The following WWOX variants were observed in gnomAD, a reference collection of about 807,000 sequenced individuals.
WWOX encodes the protein WW domain containing oxidoreductase.
Under a neutral mutation model 46.2 loss-of-function variants are expected in WWOX, and 69 were observed. The observed-to-expected ratio is 1.49, with a 90% CI of 1.23 to 1.82. The LOEUF is 1.82. Ranked by LOEUF, WWOX falls within the 40% of genes most tolerant of loss-of-function variation. The pLI, the probability that WWOX is intolerant of heterozygous loss-of-function variation, is 0.00. For synonymous variants in WWOX, 359 were observed against 202.6 expected, an observed-to-expected ratio of 1.77 and a Z score of -6.56; for missense variants, 919 against 542.6, an observed-to-expected ratio of 1.69 and a Z score of -6.89.
intron 8 of WWOX, among the ~76,000 whole-genome samples, chr16:78,829,714 T>C (rs1597685510): frequency 6.6e-6 from 1 of 152,244 alleles, no homozygotes. Context: ...TAGGAGTCAT[T>C]ATCTTCCCCA....
intron 8 of WWOX, among the ~76,000 whole-genome samples, chr16:78,582,360 A>C (rs1383169955): frequency 6.6e-6 from 1 of 152,228 alleles, no homozygotes; most frequent in Non-Finnish European, 1.5e-5. Context: ...TAATTTAGAC[A>C]AGAATGTGGC....
In WWOX at chr16:78,421,750, G is replaced by A. The variant is rs903570306; in HGVS notation, c.606-3120G>A. ...ACAACAGTAAAGCTGGCTAAAACTTGATCTGCTTTTTACAGTCATGTGCTG... is the reference window on the plus strand; with the variant it reads ...ACAACAGTAAAGCTGGCTAAAACTTAATCTGCTTTTTACAGTCATGTGCTG... On this transcript the variant is annotated intron_variant, in intron 6 of 8. Coordinates refer to ENST00000566780, the MANE Select transcript of WWOX (RefSeq NM_016373.4). 2.7e-4 allele frequency among the ~76,000 whole-genome samples: 41 copies of A among 152,126 alleles called. 1 individual carries two copies. Among genetic ancestry groups the A allele is most frequent in the African/African-American group, 9.9e-4 (41 of 41,416 alleles).
intron 8 of WWOX, among the ~76,000 whole-genome samples, chr16:78,871,722 T>A (rs561889972): frequency 6.6e-6 from 1 of 152,224 alleles, no homozygotes; most frequent in Admixed American, 6.5e-5. Flanking sequence ...GCCTCAGCCT[T>A]CCAAGCAGCT....
chr16:79,095,269 T>A (rs966586674), intron 8 of WWOX, among the ~76,000 whole-genome samples: 1 of 152,134 alleles, frequency 6.6e-6, no homozygotes, highest in Non-Finnish European at 1.5e-5. Flanking sequence ...ACAGAAGAGA[T>A]GGAAAAATGG....
intron 8 of WWOX, among the ~76,000 whole-genome samples, chr16:78,740,633 G>A (rs541340266): frequency 1.3e-5 from 2 of 152,224 alleles, no homozygotes; most frequent in African/African-American, 4.8e-5. Flanking sequence ...TGCTGGAAGG[G>A]GACTTGGTGA....
At chr16:78,705,865 G>T (rs965302304) in intron 8 of WWOX, among the ~76,000 whole-genome samples, 1 of 152,106 alleles carries the variant, frequency 6.6e-6, no homozygotes, top group African/African-American at 2.4e-5. Context: ...GCCACAAGGT[G>T]GTGGTAGTGT....
chr16:79,204,924 C>G (rs1396670280), intron 8 of WWOX: 1 of 152,250 alleles, frequency 6.6e-6, no homozygotes, highest in Non-Finnish European at 1.5e-5. Flanking sequence ...TCATTCTCCT[C>G]TCTTCGAGTC....
chr16:79,076,538 T>C (rs982580097), intron 8 of WWOX, among the ~76,000 whole-genome samples: 1 of 152,212 alleles, frequency 6.6e-6, no homozygotes, highest in African/African-American at 2.4e-5. Flanking sequence ...CCTAGAACCA[T>C]CTAAGCTAAC....
chr16:78,990,465 G>A (rs1299811757), intron 8 of WWOX, among the ~76,000 whole-genome samples: 3 of 152,102 alleles, frequency 2.0e-5, no homozygotes, highest in African/African-American at 7.2e-5. Context: ...GCTACTAAAG[G>A]TCAACAGCTG....
At chr16:78,452,221 T>G (rs2083706798) in intron 8 of WWOX, among the ~76,000 whole-genome samples, 1 of 152,200 alleles carries the variant, frequency 6.6e-6, no homozygotes, top group Admixed American at 6.5e-5. Flanking sequence ...TTGTCCGCAC[T>G]CATAAAAAGA....
chr16:79,019,093 G>C (rs1480317441), intron 8 of WWOX, among the ~76,000 whole-genome samples: 2 of 146,912 alleles, frequency 1.4e-5, no homozygotes, highest in Non-Finnish European at 3.0e-5. Context: ...AGGAGGCAGA[G>C]GTTGCTGTGA....
intron 5 of WWOX, among the ~76,000 whole-genome samples, chr16:78,214,439 C>G (rs2036654955): frequency 6.6e-6 from 1 of 152,180 alleles, no homozygotes; most frequent in Non-Finnish European, 1.5e-5. Context: ...CAATCGAAGT[C>G]TGCTGCTGTC....
chr16:78,930,236 T>TTCCTTCCTTCCC (rs1258389121), intron 8 of WWOX, among the ~76,000 whole-genome samples: 14 of 123,198 alleles, frequency 1.1e-4, no homozygotes, highest in Non-Finnish European at 2.1e-4. Context: ...CCTTCCTTCC[T>TTCCTTCCTTCCC]TCCTTCCTTC....
At chr16:78,178,590 G>A (rs375690011) in intron 5 of WWOX, among the ~76,000 whole-genome samples, 74 of 152,292 alleles carry the variant, frequency 4.9e-4, no homozygotes, top group African/African-American at 1.7e-3. Flanking sequence ...AGCAGGCCAG[G>A]TGCGGTGGCT....
At chr16:78,644,539 G>A (rs1278010260) in intron 8 of WWOX, among the ~76,000 whole-genome samples, 2 of 151,882 alleles carry the variant, frequency 1.3e-5, no homozygotes, top group Non-Finnish European at 2.9e-5. Context: ...TCAGCTCACT[G>A]CAACCTCCGC....
intron 8 of WWOX, among the ~76,000 whole-genome samples, chr16:79,106,457 G>A (rs889392888): frequency 6.6e-6 from 1 of 152,040 alleles, no homozygotes; most frequent in African/African-American, 2.4e-5. Context: ...GGATGAATCT[G>A]GGGACACTTT....
chr16:78,213,042 C>G (rs577256703), intron 5 of WWOX, among the ~76,000 whole-genome samples: 13 of 152,024 alleles, frequency 8.6e-5, no homozygotes, highest in African/African-American at 3.1e-4. Context: ...CACTTTAGGT[C>G]AGAAGTTCGA....
intron 8 of WWOX, among the ~76,000 whole-genome samples, chr16:78,930,661 A>T (rs2045604507): frequency 6.6e-6 from 1 of 151,292 alleles, no homozygotes; most frequent in Non-Finnish European, 1.5e-5. Flanking sequence ...TTTCCTGTTA[A>T]TTGCAGTTAA....
chr16:78,630,873 T>G lies in WWOX; in HGVS notation c.1056+198121T>G, dbSNP rs1417367633. ...AATGAACGAAAGAGGCCATATGCAG[T>G]CAGCCCCCCTCTCTCTGGGTTCTAC... On this transcript the variant is annotated intron_variant, in intron 8 of 8. Transcript: ENST00000566780. 5.1e-5 allele frequency among the ~76,000 whole-genome samples: 6 copies of G among 117,796 alleles called. No homozygotes were observed. The Admixed American group carries it at 5.9e-4, about 12-fold the overall frequency. 77.3% of individuals were successfully genotyped at this position (117,796 alleles called of 152,430 possible).
Sources: gnomAD v4.1 joint callset for allele counts (sites outside exome capture counted in the v4.1 genomes callset) on GRCh38, gnomAD v4.1.1 for gene constraint, MANE v1.5 for transcripts, NCBI Gene and HGNC (gene_info 2026-07-23, HGNC 2026-07-21) for gene names.